DTD1: variants seen among roughly 807,000 people sequenced by gnomAD.
DTD1 encodes D-tyrosyl-tRNA deacylase 1 homolog.
DTD1 carries 13 observed loss-of-function variants against 25.6 expected under a neutral mutation model. The observed-to-expected ratio is 0.51, with a 90% CI of 0.33 to 0.81. DTD1 has a LOEUF of 0.81. Ranked by LOEUF, DTD1 falls within the 30% of genes least tolerant of loss-of-function variation. DTD1 has a pLI of 0.02. For missense variants in DTD1, 193 were observed against 266.4 expected, an observed-to-expected ratio of 0.72 and a Z score of 1.92; for synonymous variants, 110 against 103.6, an observed-to-expected ratio of 1.06 and a Z score of -0.37.
At chr20:18,695,847 A>G in intron 4 of DTD1, among the ~76,000 whole-genome samples, 1 of 150,960 alleles carries the variant, frequency 6.6e-6, no homozygotes, top group Non-Finnish European at 1.5e-5. Context: ...TTTATTTTTA[A>G]TTTTATTTTT....
intron 4 of DTD1, among the ~76,000 whole-genome samples, chr20:18,648,605 C>T (rs2060859175): frequency 6.6e-6 from 1 of 152,150 alleles, no homozygotes; most frequent in Non-Finnish European, 1.5e-5. Flanking sequence ...AGCATTTTCT[C>T]TTCTTTCATC....
chr20:18,611,895 C>A (rs1369568012), intron 3 of DTD1, among the ~76,000 whole-genome samples: 1 of 152,226 alleles, frequency 6.6e-6, no homozygotes, highest in South Asian at 2.1e-4. Flanking sequence ...TGCTCTGTCA[C>A]CAAGGCTAGA....
intron 4 of DTD1, among the ~76,000 whole-genome samples, chr20:18,663,367 AT>A (rs143879597): frequency 0.026 from 4,019 of 152,102 alleles, 175 homozygotes; most frequent in African/African-American, 0.092. Context: ...AAAAAAAAAA[AT>A]ATACAAAGTT....
chr20:18,723,048 G>T (rs968921557), intron 4 of DTD1, among the ~76,000 whole-genome samples: 4 of 152,184 alleles, frequency 2.6e-5, no homozygotes, highest in African/African-American at 9.7e-5. Flanking sequence ...TCTGGCTTGT[G>T]GAAAGAGTCA....
intron 4 of DTD1, among the ~76,000 whole-genome samples, chr20:18,666,092 TGTCA>T (rs1180442041): frequency 6.6e-6 from 1 of 152,208 alleles, no homozygotes; most frequent in East Asian, 1.9e-4. Flanking sequence ...TGCATTTTGT[TGTCA>T]GTGACAGTTT....
At chr20:18,743,673 C>CAAAAAA (rs11474877) in intron 4 of DTD1, among the ~76,000 whole-genome samples, 40 of 105,050 alleles carry the variant, frequency 3.8e-4, no homozygotes, top group African/African-American at 9.3e-4. Context: ...GACCCTGTCT[C>CAAAAAA]AAAAAAAAAA....
In DTD1 at chr20:18,749,162, T is replaced by C. The variant is rs574458552; in HGVS notation, c.*19+4891T>C. Among the ~76,000 whole-genome samples, 3 of 152,130 alleles carry C rather than the reference T, an allele frequency of 2.0e-5. No individual in the cohort carries two copies. The highest frequency in any genetic ancestry group is 3.9e-4 in the East Asian group (2 of 5,152). Reference sequence around the variant, plus strand: ...CTGGCTGTGCTCCAGGCTGGGATCCTTGGAGTGGGGGAATGGGGGTTGGGT... The same window carrying C: ...CTGGCTGTGCTCCAGGCTGGGATCCCTGGAGTGGGGGAATGGGGGTTGGGT... On this transcript the variant is annotated intron_variant, in intron 5 of 5. Transcript: ENST00000377452. The surrounding 1 kb of genome is among the most constrained non-coding windows in gnomAD (Gnocchi z 4.2).
intron 4 of DTD1, among the ~76,000 whole-genome samples, chr20:18,740,010 T>C (rs1209843122): frequency 2.0e-5 from 3 of 152,022 alleles, no homozygotes; most frequent in African/African-American, 7.2e-5. Flanking sequence ...ATTTAAAAGC[T>C]GGCTCTCGGT....
chr20:18,698,474 C>A (rs2061088852), intron 4 of DTD1: 1 of 152,294 alleles, frequency 6.6e-6, no homozygotes, highest in Non-Finnish European at 1.5e-5. Flanking sequence ...GCATAACCCA[C>A]ATGCGTTAAG....
intron 3 of DTD1, among the ~76,000 whole-genome samples, chr20:18,621,456 A>G (rs554971312): frequency 2.0e-4 from 31 of 152,324 alleles, no homozygotes; most frequent in African/African-American, 7.5e-4. Flanking sequence ...GAGACTATGC[A>G]AATATCCTGT....
chr20:18,614,265 A>G (rs2060700114), intron 3 of DTD1, among the ~76,000 whole-genome samples: 1 of 152,212 alleles, frequency 6.6e-6, no homozygotes. Flanking sequence ...TGGGCAAACT[A>G]GGATGGCTGG....
chr20:18,630,353 G>GT (rs1359171779), intron 4 of DTD1: 1 of 151,868 alleles, frequency 6.6e-6, no homozygotes, highest in Admixed American at 6.6e-5. Context: ...AGTTCACTAG[G>GT]TTTTTTGTTT....
chr20:18,635,171 G>A (rs55721317), intron 4 of DTD1, among the ~76,000 whole-genome samples: 48,629 of 152,036 alleles, frequency 0.32, 8,118 homozygotes, highest in Non-Finnish European at 0.37. Flanking sequence ...CAAGATGGTA[G>A]CCAGATCTTG....
Position 18,765,556 on chromosome 20 carries a change from G to A in DTD1, c.*2216G>A, listed in dbSNP as rs375538199. 4 of 152,146 alleles carry A rather than the reference G, an allele frequency of 2.6e-5. No individual in the cohort carries two copies. Among genetic ancestry groups the A allele is most frequent in the Admixed American group, 2.0e-4 (3 of 15,278 alleles). The allele number at this position is 152,146 out of a possible 1,614,324, so 9.4% of individuals were successfully genotyped here. ...TCAGAGAAATAGCAGTGAATACACC[G>A]AAGTCTGGCCTAAGAGGGTCAGATC... is the stretch of plus-strand genomic sequence containing the variant. On this transcript the variant is annotated 3_prime_UTR_variant, in exon 6 of 6. Transcript: ENST00000377452.
chr20:18,748,784 G>A (rs2061310455), intron 5 of DTD1, among the ~76,000 whole-genome samples: 1 of 152,164 alleles, frequency 6.6e-6, no homozygotes, highest in African/African-American at 2.4e-5. Context: ...TTTTAATAAT[G>A]TATTTATTTC....
intron 1 of DTD1, chr20:18,589,017 G>T (rs1461457272): frequency 2.3e-6 from 1 of 439,150 alleles, no homozygotes; most frequent in Admixed American, 6.4e-5. Flanking sequence ...GAGCCAGTCT[G>T]CACCAAATAT....
intron 3 of DTD1, among the ~76,000 whole-genome samples, chr20:18,618,233 T>C (rs559995283): frequency 1.3e-5 from 2 of 152,350 alleles, no homozygotes; most frequent in East Asian, 3.9e-4. Context: ...ACCCATCTGA[T>C]AGATATCCCA....
At chr20:18,633,875 G>A (rs1379235071) in intron 4 of DTD1, among the ~76,000 whole-genome samples, 5 of 152,228 alleles carry the variant, frequency 3.3e-5, no homozygotes, top group Non-Finnish European at 1.5e-5. Flanking sequence ...TGCAGAACTG[G>A]CTGCTGCAGC....
At chr20:18,707,080 G>C (rs1192128684) in intron 4 of DTD1, among the ~76,000 whole-genome samples, 1 of 152,170 alleles carries the variant, frequency 6.6e-6, no homozygotes, top group Non-Finnish European at 1.5e-5. Context: ...CTGTTCCCCT[G>C]TAACTTGCCA....
Sources: gnomAD v4.1 joint callset for allele counts (sites outside exome capture counted in the v4.1 genomes callset) on GRCh38, gnomAD v4.1.1 for gene constraint, Gnocchi (gnomAD v3.1) non-coding constraint, MANE v1.5 for transcripts, NCBI Gene and HGNC (gene_info 2026-07-23, HGNC 2026-07-21) for gene names.